The following PDE1C variants were observed in gnomAD, a reference collection of about 807,000 sequenced individuals.
PDE1C encodes phosphodiesterase 1C.
Under a neutral mutation model 93.1 loss-of-function variants are expected in PDE1C, and 62 were observed. That is an observed-to-expected ratio of 0.67 (90% confidence interval 0.54 to 0.82). The LOEUF (loss-of-function observed/expected upper bound fraction) is 0.82. Ranked by LOEUF, PDE1C falls within the 40% of genes least tolerant of loss-of-function variation. PDE1C has a pLI of 0.00. For synonymous variants in PDE1C, 325 were observed against 310.1 expected, an observed-to-expected ratio of 1.05 and a Z score of -0.50; for missense variants, 742 against 884.6, an observed-to-expected ratio of 0.84 and a Z score of 2.04.
chr7:32,041,073 T>C (rs974531856), intron 2 of PDE1C, among the ~76,000 whole-genome samples: 1 of 152,164 alleles, frequency 6.6e-6, no homozygotes, highest in Non-Finnish European at 1.5e-5. Context: ...ATTCCGGTAC[T>C]GAAGTCCCAA....
chr7:32,113,276 T>C (rs982661150), intron 3 of PDE1C, among the ~76,000 whole-genome samples: 2 of 142,472 alleles, frequency 1.4e-5, no homozygotes, highest in Non-Finnish European at 3.0e-5. Flanking sequence ...GATGTGGATA[T>C]ATTTGGATCC....
chr7:32,341,171 G>GTT (rs1585117105), intron 1 of PDE1C, among the ~76,000 whole-genome samples: 1 of 50,390 alleles, frequency 2.0e-5, no homozygotes, highest in Non-Finnish European at 4.9e-5. Context: ...TAGAAATAAA[G>GTT]TCTTTTTTTT....
chr7:31,950,439 G>A (rs1807210376), intron 2 of PDE1C, among the ~76,000 whole-genome samples: 1 of 152,114 alleles, frequency 6.6e-6, no homozygotes, highest in South Asian at 2.1e-4. Flanking sequence ...TACTCTCATG[G>A]CACCCCAATT....
intron 3 of PDE1C, among the ~76,000 whole-genome samples, chr7:32,155,064 T>C (rs761097284): frequency 6.8e-6 from 1 of 147,574 alleles, no homozygotes; most frequent in East Asian, 1.9e-4. Context: ...GGCACCGGCA[T>C]TGGATCAGGG....
At chr7:32,299,281 A>AC in exon 1 of PDE1C, 1 of 986,334 alleles carries the variant, frequency 1.0e-6, no homozygotes, top group Non-Finnish European at 1.2e-6. Flanking sequence ...GGAAAGGCAA[A>AC]CCCCTCAGCC....
chr7:31,797,778 C>A (rs184116694), intron 16 of PDE1C, among the ~76,000 whole-genome samples: 1 of 151,590 alleles, frequency 6.6e-6, no homozygotes, highest in African/African-American at 2.4e-5. Context: ...TTAAAAACAA[C>A]GCAGTATCGT....
At chr7:31,933,461 T>C (rs1224544551) in intron 2 of PDE1C, among the ~76,000 whole-genome samples, 1 of 152,200 alleles carries the variant, frequency 6.6e-6, no homozygotes, top group African/African-American at 2.4e-5. Flanking sequence ...AATTATTGTA[T>C]TGGAAGAAAC....
chr7:32,385,872 A>T (rs1306467937), intron 1 of PDE1C, among the ~76,000 whole-genome samples: 1 of 152,278 alleles, frequency 6.6e-6, no homozygotes, highest in Middle Eastern at 3.4e-3. Flanking sequence ...TAGAGGCACA[A>T]GGTTAGCAGA....
chr7:32,100,719 T>C (rs1400024453), intron 3 of PDE1C, among the ~76,000 whole-genome samples: 1 of 152,196 alleles, frequency 6.6e-6, no homozygotes, highest in African/African-American at 2.4e-5. Context: ...TACACACACA[T>C]GTGCATACAC....
At chr7:31,734,836 T>C in the PDE1C span, among the ~76,000 whole-genome samples, 1 of 152,206 alleles carries the variant, frequency 6.6e-6, no homozygotes, top group Non-Finnish European at 1.5e-5. Flanking sequence ...GCCAAGTTGT[T>C]AGAACATAAA....
the PDE1C span, among the ~76,000 whole-genome samples, chr7:31,649,363 C>T: frequency 1.3e-5 from 2 of 152,068 alleles, no homozygotes; most frequent in South Asian, 2.1e-4. Context: ...AGTTGGTCTC[C>T]ATGGAAGGAG....
At chr7:32,366,261 A>G (rs1784227252) in intron 1 of PDE1C, among the ~76,000 whole-genome samples, 1 of 152,226 alleles carries the variant, frequency 6.6e-6, no homozygotes, top group Non-Finnish European at 1.5e-5. Context: ...ACAGAAATCT[A>G]CAGCTGAAGA....
chr7:31,800,593 T>TG (rs1260396358), intron 16 of PDE1C, among the ~76,000 whole-genome samples: 3 of 151,512 alleles, frequency 2.0e-5, no homozygotes, highest in African/African-American at 7.3e-5. Context: ...GTTGATCTGT[T>TG]GGTCTGTGTT....
At chr7:31,663,103 C>T in the PDE1C span, among the ~76,000 whole-genome samples, 1 of 152,184 alleles carries the variant, frequency 6.6e-6, no homozygotes. Flanking sequence ...AGTCCTCTAT[C>T]CAGCTATTAC....
intron 6 of PDE1C, among the ~76,000 whole-genome samples, chr7:31,871,758 G>C (rs1451773062): frequency 6.6e-6 from 1 of 151,562 alleles, no homozygotes; most frequent in Non-Finnish European, 1.5e-5. Flanking sequence ...AACGTTGGTG[G>C]GAATGTAAAT....
chr7:31,945,324 C>CT (rs1380231713), intron 2 of PDE1C, among the ~76,000 whole-genome samples: 2 of 152,028 alleles, frequency 1.3e-5, no homozygotes, highest in African/African-American at 4.8e-5. Flanking sequence ...TATTTCTTCT[C>CT]TGATGTTCTT....
chr7:31,619,904 A>G, the PDE1C span, among the ~76,000 whole-genome samples: 5 of 152,174 alleles, frequency 3.3e-5, no homozygotes, highest in African/African-American at 1.2e-4. Context: ...ACTCCCACCC[A>G]AATACTGCGC....
the PDE1C span, among the ~76,000 whole-genome samples, chr7:31,637,530 G>A: frequency 6.6e-6 from 1 of 152,166 alleles, no homozygotes; most frequent in Admixed American, 6.5e-5. Flanking sequence ...CTGCATTAAT[G>A]TCTTCTTTTG....
chr7:31,854,618 G>C (rs1418957049), intron 7 of PDE1C, among the ~76,000 whole-genome samples: 2 of 152,174 alleles, frequency 1.3e-5, no homozygotes, highest in East Asian at 3.9e-4. Flanking sequence ...CAACAGAGCA[G>C]AGGAAACCTG....
Sources: allele counts gnomAD v4.1 joint callset (sites outside exome capture counted in the v4.1 genomes callset), GRCh38; gene constraint gnomAD v4.1.1; transcripts MANE v1.5; gene names NCBI Gene and HGNC (gene_info 2026-07-23, HGNC 2026-07-21).